FABP7: variants seen among roughly 807,000 people sequenced by gnomAD.
FABP7 encodes the protein fatty acid-binding protein, brain.
FABP7 carries 13 observed loss-of-function variants against 14.2 expected under a neutral mutation model. That is an observed-to-expected ratio of 0.91 (90% CI 0.59 to 1.45). FABP7 has a LOEUF of 1.45. FABP7 is among the 40% of genes most tolerant of loss of function. The pLI, the probability that FABP7 is intolerant of heterozygous loss-of-function variation, is 0.00. For missense variants in FABP7, 149 were observed against 157.6 expected (o/e 0.95, Z 0.29); for synonymous variants, 49 against 51.4 (o/e 0.95, Z 0.20).
the FABP7 span, among the ~76,000 whole-genome samples, chr6:122,762,383 A>G: frequency 6.6e-6 from 1 of 152,350 alleles, no homozygotes; most frequent in East Asian, 1.9e-4. Flanking sequence ...TATTGATGGG[A>G]CATATCTCAA....
At chr6:122,775,848 C>A (rs1780664347), upstream of FABP7, among the ~76,000 whole-genome samples, 1 of 151,546 alleles carries the variant, frequency 6.6e-6, no homozygotes, top group Non-Finnish European at 1.5e-5. Flanking sequence ...AACAAACAAA[C>A]AAACAAAAAA....
the FABP7 span, among the ~76,000 whole-genome samples, chr6:122,759,461 G>A: frequency 6.6e-6 from 1 of 152,000 alleles, no homozygotes; most frequent in African/African-American, 2.4e-5. Context: ...TTAAAATAAT[G>A]CTACAAATCA....
chr6:122,769,707 G>C, the FABP7 span, among the ~76,000 whole-genome samples: 22 of 152,152 alleles, frequency 1.4e-4, no homozygotes, highest in East Asian at 3.9e-3. Flanking sequence ...GCATTTTCTT[G>C]AGTCTCGAAT....
At chr6:122,778,578 A>G (rs1780713095), upstream of FABP7, among the ~76,000 whole-genome samples, 1 of 152,206 alleles carries the variant, frequency 6.6e-6, no homozygotes, top group Non-Finnish European at 1.5e-5. Context: ...GAGGCAGGTA[A>G]GCTGCTTTCA....
chr6:122,765,710 T>G, the FABP7 span, among the ~76,000 whole-genome samples: 1 of 152,030 alleles, frequency 6.6e-6, no homozygotes, highest in Admixed American at 6.6e-5. Context: ...TTTTATTTTT[T>G]AATTTTAGCC....
chr6:122,780,204 T>C, intron 1 of FABP7, 87 bp from the exon 2 acceptor site: 1 of 1,385,240 alleles, frequency 7.2e-7, no homozygotes, highest in Non-Finnish European at 1.0e-6. Flanking sequence ...CTTTAGAACG[T>C]GGATTCCAGA....
At chr6:122,766,426 A>C in the FABP7 span, among the ~76,000 whole-genome samples, 1 of 152,238 alleles carries the variant, frequency 6.6e-6, no homozygotes, top group East Asian at 1.9e-4. Context: ...TTCTGTTTAT[A>C]ATATCCAAGG....
the FABP7 span, among the ~76,000 whole-genome samples, chr6:122,755,230 G>A: frequency 6.6e-6 from 1 of 152,028 alleles, no homozygotes; most frequent in African/African-American, 2.4e-5. Context: ...TCCTCACCAA[G>A]TGAAACTCAA....
rs546209477 is a variant in FABP7 at position 122,779,767 on chromosome 6, C to A, written c.-28C>A. On this transcript the variant is annotated 5_prime_UTR_variant, in exon 1 of 4. The change creates a new upstream start codon in the 5' untranslated region. Transcript: ENST00000368444. ...CAATTAGACCAGAAGATCCCCGCTC[C>A]TGTCTCTAAAGAGGGGAAAGGGCAA... The A allele has an allele frequency of 9.3e-6, 15 of 1,611,934 alleles. No homozygotes were observed. In the South Asian group the frequency reaches 1.5e-4, roughly 17 times the overall value.
the FABP7 span, among the ~76,000 whole-genome samples, chr6:122,754,621 T>C: frequency 4.2e-4 from 46 of 110,486 alleles, no homozygotes; most frequent in Non-Finnish European, 7.0e-4. Flanking sequence ...CCCACCCACT[T>C]TTCAGTGGTA....
the FABP7 span, among the ~76,000 whole-genome samples, chr6:122,772,957 C>T: frequency 6.6e-6 from 1 of 152,012 alleles, no homozygotes; most frequent in African/African-American, 2.4e-5. Flanking sequence ...GACAGGTAAG[C>T]CCCTAGGGAA....
chr6:122,757,188 T>TC, the FABP7 span, among the ~76,000 whole-genome samples: 397 of 152,238 alleles, frequency 2.6e-3, 2 homozygotes, highest in African/African-American at 9.1e-3. Flanking sequence ...ATAATAGACA[T>TC]CTCAAACTTA....
At chr6:122,763,745 C>T in the FABP7 span, among the ~76,000 whole-genome samples, 1 of 152,176 alleles carries the variant, frequency 6.6e-6, no homozygotes, top group East Asian at 1.9e-4. Flanking sequence ...TGAACAGACA[C>T]TTCTCAAAAG....
chr6:122,758,596 T>C, the FABP7 span, among the ~76,000 whole-genome samples: 1 of 152,300 alleles, frequency 6.6e-6, no homozygotes, highest in Non-Finnish European at 1.5e-5. Context: ...AGTTCATAAT[T>C]ATAGGATGAC....
the FABP7 span, among the ~76,000 whole-genome samples, chr6:122,749,343 C>T: frequency 6.6e-5 from 10 of 152,126 alleles, no homozygotes; most frequent in Non-Finnish European, 1.3e-4. Flanking sequence ...AGGTAAACAG[C>T]TTATTTTTCT....
At chr6:122,758,699 G>A in the FABP7 span, among the ~76,000 whole-genome samples, 2 of 152,108 alleles carry the variant, frequency 1.3e-5, no homozygotes, top group Non-Finnish European at 2.9e-5. Context: ...GTATTATGAA[G>A]CCATCTACAA....
the FABP7 span, among the ~76,000 whole-genome samples, chr6:122,770,498 T>C: frequency 6.6e-6 from 1 of 152,114 alleles, no homozygotes; most frequent in Non-Finnish European, 1.5e-5. Flanking sequence ...TACTTAGCAC[T>C]GAAGAAATAT....
chr6:122,757,711 C>G, the FABP7 span, among the ~76,000 whole-genome samples: 1 of 151,890 alleles, frequency 6.6e-6, no homozygotes, highest in Admixed American at 6.6e-5. Context: ...AAAATTTGTA[C>G]CCGCTAACCT....
At chr6:122,762,310 T>G in the FABP7 span, among the ~76,000 whole-genome samples, 1 of 152,278 alleles carries the variant, frequency 6.6e-6, no homozygotes, top group East Asian at 1.9e-4. Flanking sequence ...TCTCAATAGA[T>G]GCAGAAAAGG....
Sources: allele counts gnomAD v4.1 joint callset (sites outside exome capture counted in the v4.1 genomes callset), GRCh38; gene constraint gnomAD v4.1.1; transcripts MANE v1.5; gene names NCBI Gene and HGNC (gene_info 2026-07-23, HGNC 2026-07-21).